Variants in ACSL4 observed in about 807,000 individuals in gnomAD.
The protein encoded by ACSL4 is long-chain-fatty-acid--CoA ligase 4.
A neutral mutation model predicts 49.1 loss-of-function variants in ACSL4; 9 were observed. The ratio of observed to expected loss-of-function variants is 0.18; its 90% confidence interval spans 0.11 to 0.32. The LOEUF is 0.32. Among genes scored for constraint, ACSL4 ranks in the 10% least tolerant of loss-of-function variants. The pLI is 1.00. For synonymous variants in ACSL4, 191 were observed against 170.3 expected (o/e 1.12, Z -0.95); for missense variants, 333 against 493.7 (o/e 0.67, Z 3.08).
chrX:109,707,435 T>C (rs1224512749), intron 1 of ACSL4, among the ~76,000 whole-genome samples: 2 of 112,439 alleles, frequency 1.8e-5, no homozygotes, highest in African/African-American at 6.5e-5. Context: ...CCTTCAGTTA[T>C]ACTTCCTGCA....
intron 15 of ACSL4, among the ~76,000 whole-genome samples, chrX:109,644,783 T>C (rs1367488730): frequency 8.9e-6 from 1 of 112,728 alleles, no homozygotes; most frequent in Non-Finnish European, 1.9e-5. Flanking sequence ...TTCATCTCAC[T>C]AGGGAGTGCC....
intron 15 of ACSL4, 26 bp from the exon 16 acceptor site, chrX:109,644,212 GA>G: frequency 8.4e-7 from 1 of 1,185,294 alleles, no homozygotes; most frequent in South Asian, 1.8e-5. Context: ...AAAGATGGGA[GA>G]AAAGGAGAGG....
At chrX:109,660,590 C>T (rs5985756) in intron 14 of ACSL4, among the ~76,000 whole-genome samples, 6,463 of 111,277 alleles carry the variant, frequency 0.058, 431 homozygotes, top group African/African-American at 0.18. Flanking sequence ...GGTATCTATC[C>T]ACATAATTGA....
intron 1 of ACSL4, among the ~76,000 whole-genome samples, chrX:109,706,890 G>C (rs1926391264): frequency 8.9e-6 from 1 of 112,265 alleles, no homozygotes; most frequent in Non-Finnish European, 1.9e-5. Flanking sequence ...GTACTCTTGT[G>C]TAACAATCAA....
chrX:109,672,078 C>T (rs1423620507), intron 9 of ACSL4, among the ~76,000 whole-genome samples: 1 of 28,758 alleles, frequency 3.5e-5, no homozygotes, highest in African/African-American at 1.4e-4. Context: ...TCAATAAATA[C>T]TAAAAAAAAA....
intron 2 of ACSL4, among the ~76,000 whole-genome samples, chrX:109,686,302 C>A (rs768584476): frequency 8.9e-6 from 1 of 112,274 alleles, no homozygotes; most frequent in Non-Finnish European, 1.9e-5. Context: ...AAACCCAGTA[C>A]CTCTTTCTTA....
intron 1 of ACSL4, among the ~76,000 whole-genome samples, chrX:109,718,916 G>GT (rs1427547786): frequency 9.0e-6 from 1 of 111,552 alleles, no homozygotes; most frequent in East Asian, 2.8e-4. Context: ...CTCATCTTTG[G>GT]TAATGTCCTA....
intron 8 of ACSL4, 119 bp downstream of exon 8, chrX:109,677,869 A>G: frequency 1.0e-6 from 1 of 994,714 alleles, no homozygotes. Flanking sequence ...CATGGAAGCT[A>G]TTTTGAGGTC....
chrX:109,730,030 CTG>C (rs1306035628), intron 1 of ACSL4, among the ~76,000 whole-genome samples: 1 of 111,724 alleles, frequency 9.0e-6, no homozygotes, highest in Admixed American at 9.5e-5. Flanking sequence ...TGTATCTTGA[CTG>C]TGGTAGTGCT....
intron 1 of ACSL4, among the ~76,000 whole-genome samples, chrX:109,723,640 A>C (rs764157900): frequency 8.9e-6 from 1 of 112,382 alleles, no homozygotes; most frequent in Admixed American, 9.5e-5. Context: ...CTACTGATGG[A>C]TATTTAGGAT....
intron 11 of ACSL4, among the ~76,000 whole-genome samples, chrX:109,667,113 A>C (rs975490068): frequency 1.8e-5 from 2 of 112,605 alleles, no homozygotes; most frequent in Non-Finnish European, 3.8e-5. Context: ...CAAACAAATA[A>C]TTTGTCAATA....
chrX:109,709,081 C>T (rs1926566683), intron 1 of ACSL4, among the ~76,000 whole-genome samples: 1 of 111,856 alleles, frequency 8.9e-6, no homozygotes, highest in Admixed American at 9.5e-5. Flanking sequence ...AGAATAGGTA[C>T]CATGCCATAC....
At chrX:109,662,476 A>T (rs1489899202) in intron 13 of ACSL4, among the ~76,000 whole-genome samples, 1 of 111,344 alleles carries the variant, frequency 9.0e-6, no homozygotes, top group East Asian at 2.8e-4. Flanking sequence ...GTCACTACAT[A>T]TAGGTGAGGA....
intron 15 of ACSL4, among the ~76,000 whole-genome samples, chrX:109,647,378 A>G (rs1450045372): frequency 8.9e-6 from 1 of 111,764 alleles, no homozygotes; most frequent in Non-Finnish European, 1.9e-5. Context: ...CTCACTCAAA[A>G]CCGGTCAACT....
chrX:109,677,152 C>G (rs920247696), intron 8 of ACSL4, among the ~76,000 whole-genome samples: 2 of 109,562 alleles, frequency 1.8e-5, no homozygotes, highest in Admixed American at 9.7e-5. Context: ...TTAGTAGAGA[C>G]GGGGTTTCAC....
intron 9 of ACSL4, 41 bp from the exon 10 acceptor site, chrX:109,669,214 G>A (rs769026987): frequency 2.8e-6 from 3 of 1,065,854 alleles, no homozygotes; most frequent in Non-Finnish European, 3.9e-6. Context: ...GAAAGGAATG[G>A]AGACAGTCTT....
chrX:109,666,012 C>G (rs372421349), intron 11 of ACSL4, among the ~76,000 whole-genome samples: 2 of 112,353 alleles, frequency 1.8e-5, no homozygotes, highest in African/African-American at 6.5e-5. Context: ...CAAACATCAT[C>G]ATGATGATGA....
intron 1 of ACSL4, among the ~76,000 whole-genome samples, chrX:109,724,548 G>A (rs565531227): frequency 1.8e-5 from 2 of 111,745 alleles, no homozygotes; most frequent in South Asian, 3.7e-4. Context: ...CTGGGCTCAA[G>A]CAATCCTCCC....
At chrX:109,685,686 T>A (rs1183310441) in intron 2 of ACSL4, among the ~76,000 whole-genome samples, 2 of 110,083 alleles carry the variant, frequency 1.8e-5, no homozygotes, top group Non-Finnish European at 3.8e-5. Flanking sequence ...AAACTGGAAG[T>A]CACTGGGTGT....
Sources: allele counts gnomAD v4.1 joint callset (sites outside exome capture counted in the v4.1 genomes callset), GRCh38; gene constraint gnomAD v4.1.1; transcripts MANE v1.5; gene names NCBI Gene and HGNC (gene_info 2026-07-23, HGNC 2026-07-21).